Variants in KITLG observed in about 807,000 individuals in gnomAD.
KITLG encodes KIT ligand.
Under a neutral mutation model 34.1 loss-of-function variants are expected in KITLG, and 13 were observed. The observed-to-expected ratio is 0.38, with a 90% CI of 0.25 to 0.61. The LOEUF (loss-of-function observed/expected upper bound fraction) is 0.61, where lower values mean the gene tolerates loss of function less well. Among genes scored for constraint, KITLG ranks in the 20% least tolerant of loss-of-function variants. The probability of loss-of-function intolerance (pLI) is 0.60; values close to 1 mark genes in which losing one functional copy is unlikely to be tolerated. For synonymous variants in KITLG, 110 were observed against 104.0 expected (o/e 1.06, Z -0.35); for missense variants, 292 against 318.9 (o/e 0.92, Z 0.64).
chr12:88,560,944 G>A (rs984921076), intron 1 of KITLG, among the ~76,000 whole-genome samples: 1 of 143,550 alleles, frequency 7.0e-6, no homozygotes, highest in Non-Finnish European at 1.5e-5. Context: ...CTCAAGCCTG[G>A]GTAACAAAGC....
At chr12:88,508,917 C>G (rs747705210) in intron 6 of KITLG, among the ~76,000 whole-genome samples, 1 of 152,122 alleles carries the variant, frequency 6.6e-6, no homozygotes, top group South Asian at 2.1e-4. Flanking sequence ...TAAAAGTGCT[C>G]TCTATATGAA....
chr12:88,563,575 A>C (rs10858760), intron 1 of KITLG, among the ~76,000 whole-genome samples: 21,597 of 152,240 alleles, frequency 0.14, 3,931 homozygotes, highest in African/African-American at 0.42. Context: ...AAGCTCTTTT[A>C]TTCCAATTGT....
chr12:88,526,389 A>C (rs1000631849), intron 3 of KITLG, among the ~76,000 whole-genome samples: 1 of 152,222 alleles, frequency 6.6e-6, no homozygotes, highest in East Asian at 1.9e-4. Flanking sequence ...TCACCTCATC[A>C]TTATAACCTT....
Position 88,516,521 on chromosome 12 carries a change from AAT to A in KITLG, c.364-33_364-32del, listed in dbSNP as rs758827326. On this transcript the variant is annotated intron_variant, in intron 4 of 9. Transcript: ENST00000644744. The stretch of plus-strand genomic sequence containing the variant: ...AGAAAAAATAGGATTACATTTTTCA[AAT>A]AGTCTTCAGACTTAACTGAGGTGAA... 32 of 1,483,066 alleles carry A rather than the reference AAT, an allele frequency of 2.2e-5. 2 individuals are homozygous for A. In the South Asian group the frequency reaches 3.7e-4, roughly 17 times the overall value. The allele number at this position is 1,483,066 out of a possible 1,614,324, so 91.9% of individuals were successfully genotyped here.
At chr12:88,526,467 C>T (rs550555803) in intron 3 of KITLG, among the ~76,000 whole-genome samples, 53 of 152,152 alleles carry the variant, frequency 3.5e-4, no homozygotes, top group Non-Finnish European at 6.2e-4. Flanking sequence ...AATTTTCTTC[C>T]TCCTTCCTTT....
intron 1 of KITLG, among the ~76,000 whole-genome samples, chr12:88,577,167 T>C (rs1428369678): frequency 6.6e-6 from 1 of 152,176 alleles, no homozygotes; most frequent in Non-Finnish European, 1.5e-5. Context: ...CATAAGTATG[T>C]TAATTTTCTT....
At chr12:88,552,550 T>C (rs561461081) in intron 1 of KITLG, among the ~76,000 whole-genome samples, 1 of 152,118 alleles carries the variant, frequency 6.6e-6, no homozygotes, top group Non-Finnish European at 1.5e-5. Context: ...ACAGCTCAAT[T>C]GAAATACTTT....
At chr12:88,506,698 C>T (rs546255359) in intron 7 of KITLG, among the ~76,000 whole-genome samples, 14 of 152,160 alleles carry the variant, frequency 9.2e-5, no homozygotes, top group Non-Finnish European at 1.8e-4. Flanking sequence ...AAGAAGAGAA[C>T]AAAAGAGTAG....
chr12:88,518,944 C>T (rs915280870), intron 3 of KITLG, 77 bp from the exon 4 acceptor site: 6 of 1,323,468 alleles, frequency 4.5e-6, no homozygotes, highest in Non-Finnish European at 6.4e-6. Flanking sequence ...CTCTTCAAAG[C>T]TATCGTTTTA....
chr12:88,508,984 T>G lies in KITLG; in HGVS notation c.605-1847A>C, dbSNP rs1054361250. 1.3e-5 allele frequency among the ~76,000 whole-genome samples: 2 copies of G among 152,194 alleles called. 1 individual carries two copies. Among genetic ancestry groups the G allele is most frequent in the South Asian group, 4.1e-4 (2 of 4,832 alleles). On this transcript the variant is annotated intron_variant, in intron 6 of 9. Coordinates refer to ENST00000644744, the MANE Select transcript of KITLG (RefSeq NM_000899.5). ...TTTGAGGAATTTTAATAATACTGTT[T>G]GTAAATAAATCATTTGGCTGTTTTG...
chr12:88,505,334 T>C, intron 8 of KITLG, 99 bp from the exon 9 acceptor site: 6 of 921,754 alleles, frequency 6.5e-6, no homozygotes, highest in Middle Eastern at 2.1e-4. Context: ...TCTGTAAATA[T>C]AGTAGCAGAA....
At chr12:88,530,203 A>C (rs1870032964) in intron 3 of KITLG, among the ~76,000 whole-genome samples, 1 of 152,122 alleles carries the variant, frequency 6.6e-6, no homozygotes, top group Admixed American at 6.6e-5. Flanking sequence ...TATTACCTAG[A>C]GGCTTCCCTT....
chr12:88,525,177 A>G (rs1443105173), intron 3 of KITLG, among the ~76,000 whole-genome samples: 1 of 152,216 alleles, frequency 6.6e-6, no homozygotes, highest in Non-Finnish European at 1.5e-5. Flanking sequence ...CACAAATAGA[A>G]TGAGGCGGAG....
At chr12:88,548,356 A>G (rs1870785806) in intron 1 of KITLG, among the ~76,000 whole-genome samples, 1 of 152,078 alleles carries the variant, frequency 6.6e-6, no homozygotes, top group Admixed American at 6.5e-5. Context: ...CGGGAGGCTG[A>G]GGCAGGAGAA....
At chr12:88,530,284 G>T (rs1189849725) in intron 3 of KITLG, among the ~76,000 whole-genome samples, 1 of 152,086 alleles carries the variant, frequency 6.6e-6, no homozygotes, top group African/African-American at 2.4e-5. Context: ...AGAGTCTGAT[G>T]ACCTACGGGT....
At chr12:88,508,187 TAA>T (rs939366263) in intron 6 of KITLG, among the ~76,000 whole-genome samples, 7 of 143,080 alleles carry the variant, frequency 4.9e-5, no homozygotes, top group Admixed American at 1.4e-4. Flanking sequence ...ACTCTGTCTT[TAA>T]AAAAAAAAAA....
intron 9 of KITLG, among the ~76,000 whole-genome samples, chr12:88,498,281 AT>A (rs1006051129): frequency 6.6e-6 from 1 of 152,184 alleles, no homozygotes; most frequent in African/African-American, 2.4e-5. Context: ...TAGCCATAAA[AT>A]TCCATAGTGT....
At chr12:88,563,684 G>A (rs533367611) in intron 1 of KITLG, among the ~76,000 whole-genome samples, 14 of 152,300 alleles carry the variant, frequency 9.2e-5, no homozygotes, top group African/African-American at 2.2e-4. Context: ...GATGTGGCCG[G>A]GCGCAGTGGC....
At chr12:88,534,986 C>T (rs1286525627) in intron 2 of KITLG, among the ~76,000 whole-genome samples, 1 of 152,108 alleles carries the variant, frequency 6.6e-6, no homozygotes, top group Non-Finnish European at 1.5e-5. Flanking sequence ...TAGAAAAACG[C>T]AGCAAGAAGT....
Sources: gnomAD v4.1 joint callset for allele counts (sites outside exome capture counted in the v4.1 genomes callset) on GRCh38, gnomAD v4.1.1 for gene constraint, MANE v1.5 for transcripts, NCBI Gene and HGNC (gene_info 2026-07-23, HGNC 2026-07-21) for gene names.